TIAM2: variants seen among roughly 807,000 people sequenced by gnomAD.
The protein encoded by TIAM2 is rho guanine nucleotide exchange factor TIAM2.
Under a neutral mutation model 152.9 loss-of-function variants are expected in TIAM2, and 80 were observed. The ratio of observed to expected loss-of-function variants is 0.52; its 90% CI spans 0.44 to 0.63. The LOEUF is 0.63. Among genes scored for constraint, TIAM2 ranks in the 30% least tolerant of loss-of-function variants. The pLI, the probability that TIAM2 is intolerant of heterozygous loss-of-function variation, is 0.00. For missense variants in TIAM2, 1,965 were observed against 2,120.1 expected (o/e 0.93, Z 1.44); for synonymous variants, 804 against 838.0 (o/e 0.96, Z 0.70).
At chr6:155,255,461 A>C (rs1783941128) in intron 26 of TIAM2, 1 of 152,028 alleles carries the variant, frequency 6.6e-6, no homozygotes, top group Non-Finnish European at 1.5e-5. Context: ...TCGCTTTTTC[A>C]TGTCAAATCA....
intron 2 of TIAM2, among the ~76,000 whole-genome samples, chr6:155,094,819 G>A (rs530347679): frequency 6.6e-6 from 1 of 151,188 alleles, no homozygotes; most frequent in African/African-American, 2.4e-5. Flanking sequence ...CTGAGCTCAA[G>A]TGATCCGCCC....
chr6:155,127,952 A>G (rs532149637), intron 3 of TIAM2, among the ~76,000 whole-genome samples: 1 of 152,270 alleles, frequency 6.6e-6, no homozygotes, highest in African/African-American at 2.4e-5. Context: ...GAATCCCTTG[A>G]GCCCAGGGGT....
In TIAM2 at chr6:155,257,582, A is replaced by G. The variant is rs377543173; in HGVS notation, c.*461A>G. ...TGTGCAGATACTTCATTTTTGTAAG[A>G]TAGATTGTAATAGATGCTGTTTATA... On this transcript the variant is annotated 3_prime_UTR_variant, in exon 27 of 27. Coordinates refer to ENST00000682666, the MANE Select transcript of TIAM2 (RefSeq NM_012454.4). 1 of 39,852 alleles carries G rather than the reference A, an allele frequency of 2.5e-5. No homozygotes were observed. The highest frequency in any genetic ancestry group is 3.7e-5 in the Non-Finnish European group (1 of 27,260). 2.5% of individuals were successfully genotyped at this position (39,852 alleles called of 1,614,324 possible). A position where few individuals can be genotyped will look rare whatever the true frequency, so the allele number is the denominator to read the frequency against.
chr6:155,077,305 T>A (rs1371606825), intron 1 of TIAM2, among the ~76,000 whole-genome samples: 5 of 152,064 alleles, frequency 3.3e-5, no homozygotes, highest in Admixed American at 6.5e-5. Flanking sequence ...GGAGGAAGCC[T>A]CAATGCCCTA....
intron 15 of TIAM2, among the ~76,000 whole-genome samples, chr6:155,227,618 G>C (rs1216099463): frequency 6.6e-6 from 1 of 152,212 alleles, no homozygotes; most frequent in Non-Finnish European, 1.5e-5. Flanking sequence ...TGGCATATGG[G>C]TGTATTTACT....
intron 1 of TIAM2, among the ~76,000 whole-genome samples, chr6:155,019,346 G>T (rs546788065): frequency 6.6e-5 from 10 of 151,278 alleles, no homozygotes; most frequent in South Asian, 4.2e-4. Context: ...AAAAAGAAAA[G>T]AAAAAAAATA....
Position 155,165,338 on chromosome 6 carries a change from A to G in TIAM2, c.2290A>G (p.Ile764Val). ...CCAGCGAGGGAGAAACAAGAAGGGAATATTTTCTTCGTTAAAAGGGCTGGA... is the reference window on the plus strand; with the variant it reads ...CCAGCGAGGGAGAAACAAGAAGGGAGTATTTTCTTCGTTAAAAGGGCTGGA... ...LTQRGRNKKG[I>V]FSSLKGLDTL... The change falls in exon 9 of 27, where the codon ATA becomes GTA. Residue 764 changes from isoleucine (I) to valine (V), a missense_variant. By Grantham distance (29) the Ile-to-Val change is conservative. Coordinates refer to ENST00000682666, the MANE Select transcript of TIAM2 (RefSeq NM_012454.4). 6.2e-7 allele frequency: 1 copy of G among 1,614,132 alleles called. No homozygotes were observed. Among genetic ancestry groups the G allele is most frequent in the Non-Finnish European group, 8.5e-7 (1 of 1,180,004 alleles).
chr6:155,064,577 G>A (rs943717182), intron 1 of TIAM2, among the ~76,000 whole-genome samples: 5 of 152,160 alleles, frequency 3.3e-5, no homozygotes, highest in African/African-American at 1.2e-4. Flanking sequence ...GGGATTTTAT[G>A]GCTGTGGCAG....
intron 15 of TIAM2, among the ~76,000 whole-genome samples, chr6:155,215,472 C>T (rs9480091): frequency 0.33 from 50,671 of 152,010 alleles, 8,988 homozygotes; most frequent in East Asian, 0.52. Context: ...TCAAGTCTAA[C>T]GTAGTTATCA....
In TIAM2 at chr6:155,248,187, G is replaced by A. The variant is rs377609259; in HGVS notation, c.3832+8G>A. The A allele has an allele frequency of 4.2e-5, 67 of 1,611,552 alleles. No homozygotes were observed. The highest frequency in any genetic ancestry group is 1.2e-4 in the African/African-American group (9 of 75,020). The stretch of plus-strand genomic sequence containing the variant: ...AGCACTACCACCTGACGGGTGAGGC[G>A]GCGGCGGCACCTCCGGGCGAGGGCC... On this transcript the variant is annotated splice_region_variant and intron_variant, in intron 20 of 26. Transcript: ENST00000682666.
At chr6:155,139,089 A>G (rs541297949) in intron 5 of TIAM2, among the ~76,000 whole-genome samples, 1 of 152,284 alleles carries the variant, frequency 6.6e-6, no homozygotes, top group South Asian at 2.1e-4. Flanking sequence ...CAAAAGCCAA[A>G]CCTCATCGTC....
chr6:155,211,469 T>C (rs975402829), intron 15 of TIAM2, among the ~76,000 whole-genome samples, 162 bp downstream of exon 15: 1 of 151,806 alleles, frequency 6.6e-6, no homozygotes, highest in African/African-American at 2.4e-5. Flanking sequence ...CTTATTTATG[T>C]ATTTTTTTGA....
intron 14 of TIAM2, among the ~76,000 whole-genome samples, chr6:155,206,122 G>T (rs1033096039): frequency 6.6e-6 from 1 of 152,206 alleles, no homozygotes; most frequent in Non-Finnish European, 1.5e-5. Flanking sequence ...GAATGACCAG[G>T]TGTCTCAAAC....
intron 15 of TIAM2, among the ~76,000 whole-genome samples, chr6:155,226,260 T>C (rs1782236944): frequency 6.6e-6 from 1 of 152,104 alleles, no homozygotes; most frequent in African/African-American, 2.4e-5. Flanking sequence ...CGGCTGAAGG[T>C]GTCATAAGAT....
intron 1 of TIAM2, among the ~76,000 whole-genome samples, chr6:155,066,136 G>T (rs9371854): frequency 6.6e-6 from 1 of 152,084 alleles, no homozygotes; most frequent in African/African-American, 2.4e-5. Flanking sequence ...TGAGACGGCC[G>T]CTCTTGTCCC....
intron 1 of TIAM2, among the ~76,000 whole-genome samples, chr6:155,066,636 C>G (rs1457140721): frequency 6.6e-6 from 1 of 151,950 alleles, no homozygotes; most frequent in Non-Finnish European, 1.5e-5. Flanking sequence ...GGAAGCAAGC[C>G]CAGATTTTAA....
At chr6:155,154,220 G>A (rs542455223) in intron 7 of TIAM2, among the ~76,000 whole-genome samples, 1 of 152,090 alleles carries the variant, frequency 6.6e-6, no homozygotes, top group Non-Finnish European at 1.5e-5. Flanking sequence ...CCTCCCCAGC[G>A]GTTTTCCCTG....
intron 10 of TIAM2, among the ~76,000 whole-genome samples, chr6:155,177,368 C>T (rs2115131332): frequency 6.6e-6 from 1 of 152,244 alleles, no homozygotes; most frequent in Non-Finnish European, 1.5e-5. Flanking sequence ...TCGGATTTCT[C>T]CAGATTAAAC....
At chr6:155,217,106 C>T (rs1781879492) in intron 15 of TIAM2, 1 of 1,289,374 alleles carries the variant, frequency 7.8e-7, no homozygotes, top group East Asian at 5.5e-5. Context: ...TAAACAAGGG[C>T]TTTGATTTTC....
Sources: allele counts gnomAD v4.1 joint callset (sites outside exome capture counted in the v4.1 genomes callset), GRCh38; gene constraint gnomAD v4.1.1; transcripts MANE v1.5; gene names NCBI Gene and HGNC (gene_info 2026-07-23, HGNC 2026-07-21).